SLC39A8: variants seen among roughly 807,000 people sequenced by gnomAD.
SLC39A8 encodes the protein solute carrier family 39 member 8.
SLC39A8 carries 15 observed loss-of-function variants against 40.4 expected under a neutral mutation model. The observed-to-expected ratio is 0.37, with a 90% confidence interval of 0.25 to 0.57. SLC39A8 has a LOEUF of 0.57. SLC39A8 is among the 20% of genes least tolerant of loss of function. The pLI, the probability that SLC39A8 is intolerant of heterozygous loss-of-function variation, is 0.75. For missense variants in SLC39A8, 472 were observed against 558.8 expected (o/e 0.84, Z 1.57); for synonymous variants, 223 against 221.6 (o/e 1.01, Z -0.06).
intron 11 of SLC39A8, among the ~76,000 whole-genome samples, chr4:102,254,712 A>C (rs1479485988): frequency 6.6e-6 from 1 of 152,178 alleles, no homozygotes; most frequent in African/African-American, 2.4e-5. Context: ...TCTTCCTTGG[A>C]GTTATCTATG....
intron 6 of SLC39A8, among the ~76,000 whole-genome samples, chr4:102,275,922 G>C (rs1306761697): frequency 6.6e-6 from 1 of 152,160 alleles, no homozygotes; most frequent in Non-Finnish European, 1.5e-5. Context: ...AAAGAAATAA[G>C]TTCTTTGAAA....
intron 6 of SLC39A8, among the ~76,000 whole-genome samples, chr4:102,276,365 G>A (rs182165409): frequency 1.8e-3 from 275 of 152,184 alleles, no homozygotes; most frequent in Non-Finnish European, 2.7e-3. Flanking sequence ...ACACTTCTAC[G>A]CAAATAAACT....
At chr4:102,317,875 AT>A (rs1278860151) in intron 2 of SLC39A8, among the ~76,000 whole-genome samples, 3 of 152,174 alleles carry the variant, frequency 2.0e-5, no homozygotes. Flanking sequence ...TCAGACTCAA[AT>A]TGTAACCCAT....
intron 2 of SLC39A8, among the ~76,000 whole-genome samples, chr4:102,329,252 G>A (rs1735345765): frequency 6.6e-6 from 1 of 152,096 alleles, no homozygotes; most frequent in African/African-American, 2.4e-5. Flanking sequence ...GTAAATACCA[G>A]GCAAATAGTT....
intron 2 of SLC39A8, among the ~76,000 whole-genome samples, chr4:102,338,157 A>G (rs984105002): frequency 2.0e-5 from 3 of 148,568 alleles, no homozygotes; most frequent in Admixed American, 6.7e-5. Context: ...TGCCTTCCAT[A>G]GTCACTTTTC....
chr4:102,277,244 C>A (rs1450235795), intron 6 of SLC39A8, among the ~76,000 whole-genome samples: 1 of 152,174 alleles, frequency 6.6e-6, no homozygotes, highest in African/African-American at 2.4e-5. Flanking sequence ...AAAACCCCAT[C>A]ATCTCAGCCC....
At chr4:102,255,377 G>A (rs868472717) in intron 11 of SLC39A8, among the ~76,000 whole-genome samples, 2 of 152,322 alleles carry the variant, frequency 1.3e-5, no homozygotes, top group South Asian at 4.1e-4. Flanking sequence ...TACTAAGGAT[G>A]TCAGGAACTA....
At chr4:102,293,555 T>C (rs1182979848) in intron 6 of SLC39A8, among the ~76,000 whole-genome samples, 4 of 151,978 alleles carry the variant, frequency 2.6e-5, no homozygotes, top group Non-Finnish European at 5.9e-5. Flanking sequence ...CTAAAATCAG[T>C]GTACTCTTAC....
rs1380566340 is a variant in SLC39A8 at position 102,329,747 on chromosome 4, G to A, written c.220-13917C>T. 5.9e-5 allele frequency among the ~76,000 whole-genome samples: 9 copies of A among 151,622 alleles called. No homozygotes were observed. In the South Asian group the frequency reaches 1.0e-3, roughly 18 times the overall value. The stretch of plus-strand genomic sequence containing the variant: ...TATACATTCTTCTCAGCACCACATC[G>A]CACTTATTCTAAAATTGACCACATA... On this transcript the variant is annotated intron_variant, in intron 2 of 8. Transcript: ENST00000356736.
At chr4:102,307,317 A>C in intron 4 of SLC39A8, 119 bp downstream of exon 4, 1 of 1,200,464 alleles carries the variant, frequency 8.3e-7, no homozygotes, top group Non-Finnish European at 1.2e-6. Context: ...TCTCTTATCC[A>C]AGACACTATA....
chr4:102,320,187 A>G (rs148820071), intron 2 of SLC39A8, among the ~76,000 whole-genome samples: 17 of 90,462 alleles, frequency 1.9e-4, no homozygotes, highest in African/African-American at 4.0e-4. Flanking sequence ...ATATATATAT[A>G]TATGTATATA....
intron 3 of SLC39A8, among the ~76,000 whole-genome samples, chr4:102,311,159 C>T (rs1734409234): frequency 6.6e-6 from 1 of 152,054 alleles, no homozygotes; most frequent in Admixed American, 6.6e-5. Flanking sequence ...CAGCTCATCC[C>T]CTCACTGGCA....
chr4:102,338,660 G>A (rs1160691588), intron 2 of SLC39A8, among the ~76,000 whole-genome samples: 3 of 152,158 alleles, frequency 2.0e-5, no homozygotes, highest in Admixed American at 2.0e-4. Context: ...GGTTGCTCTA[G>A]CTAGAGAAAG....
intron 2 of SLC39A8, among the ~76,000 whole-genome samples, chr4:102,318,859 T>C (rs1435303574): frequency 2.0e-5 from 3 of 152,224 alleles, no homozygotes; most frequent in Non-Finnish European, 2.9e-5. Flanking sequence ...CTTCTTTTCA[T>C]GCTTGTATCT....
In SLC39A8 at chr4:102,262,785, C is replaced by T. The variant is rs1318531083; in HGVS notation, c.*259G>A. 4 of 1,199,016 alleles carry T rather than the reference C, an allele frequency of 3.3e-6. No individual in the cohort carries two copies. The African/African-American group carries it at 6.3e-5, about 19-fold the overall frequency. The allele number at this position is 1,199,016 out of a possible 1,614,324, so 74.3% of individuals were successfully genotyped here. ...TTGCTTCATGGTGATATCTAATATG[C>T]ATGGAATACTGAAAAATAGGTATTT... On this transcript the variant is annotated 3_prime_UTR_variant, in exon 9 of 9. Transcript: ENST00000356736.
At chr4:102,283,265 C>T (rs374830339) in intron 6 of SLC39A8, among the ~76,000 whole-genome samples, 2 of 152,182 alleles carry the variant, frequency 1.3e-5, no homozygotes, top group East Asian at 1.9e-4. Flanking sequence ...TTGCCCAAAA[C>T]GACACAGCTA....
At chr4:102,335,605 G>T (rs1306602108) in intron 2 of SLC39A8, among the ~76,000 whole-genome samples, 2 of 152,112 alleles carry the variant, frequency 1.3e-5, no homozygotes, top group Non-Finnish European at 2.9e-5. Flanking sequence ...TGCCAATCTG[G>T]GGCAAAAATA....
rs934142741 is a variant in SLC39A8, at chr4:102,300,616, T to C, written c.840+3701A>G. On this transcript the variant is annotated intron_variant, in intron 6 of 8. Coordinates refer to ENST00000356736, the MANE Select transcript of SLC39A8 (RefSeq NM_001135146.2). ...CACCTTTCTTAACTCACTGTAATTT[T>C]TAGAGAGTTCCTTATTATTTTCAAT... 4.6e-5 allele frequency among the ~76,000 whole-genome samples: 7 copies of C among 152,036 alleles called. No individual in the cohort carries two copies. In the East Asian group the frequency reaches 7.7e-4, roughly 17 times the overall value.
intron 2 of SLC39A8, among the ~76,000 whole-genome samples, chr4:102,318,161 T>C (rs1734744778): frequency 6.6e-6 from 1 of 152,044 alleles, no homozygotes; most frequent in African/African-American, 2.4e-5. Context: ...CCCTCCTACA[T>C]ACAATTAGAA....
Sources: allele counts gnomAD v4.1 joint callset (sites outside exome capture counted in the v4.1 genomes callset), GRCh38; gene constraint gnomAD v4.1.1; transcripts MANE v1.5; gene names NCBI Gene and HGNC (gene_info 2026-07-23, HGNC 2026-07-21).